The following IDI1 variants were observed in gnomAD, a reference collection of about 807,000 sequenced individuals.
The protein encoded by IDI1 is isopentenyl-diphosphate Delta-isomerase 1.
In IDI1, 23 loss-of-function variants were observed where a neutral mutation model predicts 32.9. That is an observed-to-expected ratio of 0.70 (90% CI 0.50 to 0.99). The LOEUF (loss-of-function observed/expected upper bound fraction) is 0.99, where lower values mean the gene tolerates loss of function less well. Ranked by LOEUF, IDI1 falls within the 50% of genes least tolerant of loss-of-function variation. IDI1 has a pLI of 0.00. For missense variants in IDI1, 326 were observed against 351.9 expected (o/e 0.93, Z 0.59); for synonymous variants, 133 against 128.2 (o/e 1.04, Z -0.25).
At chr10:1,044,461 C>T (rs1050681504) in intron 1 of IDI1, among the ~76,000 whole-genome samples, 3 of 152,174 alleles carry the variant, frequency 2.0e-5, no homozygotes, top group Non-Finnish European at 4.4e-5. Flanking sequence ...ATACTCAATC[C>T]TTTTTCCAGT....
At chr10:1,044,536 C>T (rs2131577978) in intron 1 of IDI1, among the ~76,000 whole-genome samples, 1 of 152,348 alleles carries the variant, frequency 6.6e-6, no homozygotes, top group East Asian at 1.9e-4. Flanking sequence ...ACACCAGCTT[C>T]TGTAATCTCT....
Position 1,048,504 on chromosome 10 carries a change from T to C in IDI1, c.140+360A>G, listed in dbSNP as rs1398835446. 4 of 1,250,706 alleles carry C rather than the reference T, an allele frequency of 3.2e-6. 1 individual carries two copies. The Middle Eastern group carries it at 1.0e-3, about 318-fold the overall frequency. 77.5% of individuals were successfully genotyped at this position (1,250,706 alleles called of 1,614,324 possible). A position where few individuals can be genotyped will look rare whatever the true frequency, so the allele number is the denominator to read the frequency against. On this transcript the variant is annotated intron_variant, in intron 1 of 4. Coordinates refer to ENST00000381344, the MANE Select transcript of IDI1 (RefSeq NM_004508.4). ...ATGCTGTCTACGCTTGTTTCTGAAT[T>C]CTCTAAGGGGAGACTCGCAACTCTT...
chr10:1,053,186 G>A (rs371123993), upstream of IDI1, among the ~76,000 whole-genome samples: 69 of 152,310 alleles, frequency 4.5e-4, 1 homozygote, highest in South Asian at 0.014. Flanking sequence ...ATTTTTAGTG[G>A]AGGCAGGGTT....
rs1303050633 is a variant in IDI1, at chr10:1,040,487, C to T, written c.*700G>A. On this transcript the variant is annotated 3_prime_UTR_variant, in exon 5 of 5. Transcript: ENST00000381344. ...CATTTTATGAACACCTCTGTGCTCA[C>T]TGTAATTCTGAAAACACAGACTTTG... 1 of 152,284 alleles carries T rather than the reference C, an allele frequency of 6.6e-6. No individual in the cohort carries two copies. The highest frequency in any genetic ancestry group is 2.4e-5 in the African/African-American group (1 of 41,458). The allele number at this position is 152,284 out of a possible 1,614,324, so 9.4% of individuals were successfully genotyped here.
intron 2 of IDI1, chr10:1,043,783 TG>T (rs1832701914): frequency 1.5e-6 from 1 of 675,086 alleles, no homozygotes; most frequent in Non-Finnish European, 2.7e-6. Flanking sequence ...AGAATAACTC[TG>T]AAGAAGCCGA....
At chr10:1,045,761 G>A (rs1311491268) in intron 1 of IDI1, among the ~76,000 whole-genome samples, 3 of 152,152 alleles carry the variant, frequency 2.0e-5, no homozygotes, top group African/African-American at 7.2e-5. Flanking sequence ...GCCACCACAC[G>A]GGGACCACTG....
chr10:1,046,350 T>C (rs1832809734), intron 1 of IDI1, among the ~76,000 whole-genome samples: 1 of 152,196 alleles, frequency 6.6e-6, no homozygotes, highest in Non-Finnish European at 1.5e-5. Context: ...ACCTTTTCTA[T>C]GTTTAGATAC....
chr10:1,043,806 G>C, intron 2 of IDI1, 193 bp downstream of exon 2: 1 of 670,902 alleles, frequency 1.5e-6, no homozygotes, highest in South Asian at 1.6e-5. Context: ...TAACAGGCAT[G>C]AAGTGAAGAG....
chr10:1,050,907 G>A (rs952622780), upstream of IDI1, among the ~76,000 whole-genome samples: 1 of 152,256 alleles, frequency 6.6e-6, no homozygotes, highest in Non-Finnish European at 1.5e-5. Flanking sequence ...CCTGCTGTAT[G>A]CAGTTTGAAA....
Position 1,043,371 on chromosome 10 carries a change from A to G in IDI1, c.336T>C (p.Ser112=), listed in dbSNP as rs1832678555. ...TATTTTCGGTGTTGAATAAGAAGAC[A>G]CTAAAAGCTCGATGCAATAATCCTG... is the stretch of plus-strand genomic sequence containing the variant. ...IEKGLLHRAF[S]VFLFNTENKL... Residue 112 remains serine (S), a synonymous_variant, in exon 3 of 5, where the codon AGT becomes AGC. Transcript: ENST00000381344. The G allele has an allele frequency of 6.2e-7, 1 of 1,609,086 alleles. No individual in the cohort carries two copies. Among genetic ancestry groups the G allele is most frequent in the Non-Finnish European group, 8.5e-7 (1 of 1,175,328 alleles).
At position 1,049,066 on chromosome 10, in the gene IDI1, G is replaced by C. The variant is rs1308380840; in HGVS notation, c.-63C>G. Reference sequence around the variant, plus strand: ...CAATCTCGCCAAGCTTCGCCTGGTGGTGCCACCTCCCTGGCCTGTGACAAC... The same window carrying C: ...CAATCTCGCCAAGCTTCGCCTGGTGCTGCCACCTCCCTGGCCTGTGACAAC... On this transcript the variant is annotated 5_prime_UTR_variant, in exon 1 of 5. Transcript: ENST00000381344. The C allele has an allele frequency of 2.1e-6, 3 of 1,442,786 alleles. No homozygotes were observed. The highest frequency in any genetic ancestry group is 2.7e-6 in the Non-Finnish European group (3 of 1,106,476). The allele number at this position is 1,442,786 out of a possible 1,614,324, so 89.4% of individuals were successfully genotyped here.
chr10:1,051,132 T>C (rs1290947143), upstream of IDI1, among the ~76,000 whole-genome samples: 1 of 152,240 alleles, frequency 6.6e-6, no homozygotes, highest in Non-Finnish European at 1.5e-5. Flanking sequence ...TGTCATGCAT[T>C]GGTCATTTGG....
chr10:1,049,135 C>A, upstream of IDI1: 2 of 1,377,260 alleles, frequency 1.5e-6, no homozygotes, highest in East Asian at 5.9e-5. Context: ...TGACCGCGGG[C>A]TCTGGCGCCT....
At position 1,039,574 on chromosome 10, in the gene IDI1, C is replaced by T. The variant is rs1214662008; in HGVS notation, c.*1613G>A. 1 of 152,168 alleles carries T rather than the reference C, an allele frequency of 6.6e-6. No individual in the cohort carries two copies. The highest frequency in any genetic ancestry group is 1.5e-5 in the Non-Finnish European group (1 of 68,030). The allele number at this position is 152,168 out of a possible 1,614,324, so 9.4% of individuals were successfully genotyped here. On this transcript the variant is annotated 3_prime_UTR_variant, in exon 5 of 5. Transcript: ENST00000381344. ...AGCTATATCTAGGAGAGGGATACTCCTCTTTATAAAAGATGAAGGAGTTCT... is the reference window on the plus strand; with the variant it reads ...AGCTATATCTAGGAGAGGGATACTCTTCTTTATAAAAGATGAAGGAGTTCT...
chr10:1,043,612 C>T (rs566865409), intron 2 of IDI1: 2 of 670,924 alleles, frequency 3.0e-6, no homozygotes, highest in Non-Finnish European at 2.7e-6. Flanking sequence ...ATGCTGGTGG[C>T]CCCTTTCCGG....
At chr10:1,048,761 C>T (rs917324314) in intron 1 of IDI1, 103 bp downstream of exon 1, 44 of 1,510,440 alleles carry the variant, frequency 2.9e-5, no homozygotes, top group Non-Finnish European at 3.6e-5. Context: ...GCGCCGAGAC[C>T]TCACGGGTGG....
At chr10:1,049,960 C>CTA (rs2131587128), upstream of IDI1, among the ~76,000 whole-genome samples, 1 of 152,308 alleles carries the variant, frequency 6.6e-6, no homozygotes, top group South Asian at 2.1e-4. Context: ...GCCCTCTAAA[C>CTA]TTTTAAATAA....
At chr10:1,043,946 T>C in intron 2 of IDI1, 53 bp downstream of exon 2, 1 of 1,491,404 alleles carries the variant, frequency 6.7e-7, no homozygotes, top group South Asian at 1.2e-5. Flanking sequence ...TCTCAGCAAA[T>C]CGGAAATGCC....
At position 1,049,049 on chromosome 10, in the gene IDI1, C is replaced by T. The variant is rs1186128492; in HGVS notation, c.-46G>A. ...GTACGCGCTTGACGACACAATCTCGCCAAGCTTCGCCTGGTGGTGCCACCT... is the reference window on the plus strand; with the variant it reads ...GTACGCGCTTGACGACACAATCTCGTCAAGCTTCGCCTGGTGGTGCCACCT... On this transcript the variant is annotated 5_prime_UTR_variant, in exon 1 of 5. Coordinates refer to ENST00000381344, the MANE Select transcript of IDI1 (RefSeq NM_004508.4). 4.8e-6 allele frequency: 7 copies of T among 1,448,806 alleles called. No individual in the cohort carries two copies. Among genetic ancestry groups the T allele is most frequent in the Non-Finnish European group, 5.4e-6 (6 of 1,109,288 alleles). 89.7% of individuals were successfully genotyped at this position (1,448,806 alleles called of 1,614,324 possible).
Sources: gnomAD v4.1 joint callset for allele counts (sites outside exome capture counted in the v4.1 genomes callset) on GRCh38, gnomAD v4.1.1 for gene constraint, MANE v1.5 for transcripts, NCBI Gene and HGNC (gene_info 2026-07-23, HGNC 2026-07-21) for gene names.